Variants in NCAM2 observed in about 807,000 individuals in gnomAD.
NCAM2 encodes neural cell adhesion molecule 2, also known as N-CAM-2.
A neutral mutation model predicts 98.1 loss-of-function variants in NCAM2; 30 were observed. The observed-to-expected ratio is 0.31, with a 90% CI of 0.23 to 0.41. NCAM2 has a LOEUF of 0.41. NCAM2 is among the 10% of genes least tolerant of loss of function. The pLI is 1.00. For synonymous variants in NCAM2, 368 were observed against 342.4 expected (o/e 1.07, Z -0.83); for missense variants, 867 against 1,005.8 (o/e 0.86, Z 1.87).
At chr21:21,256,482 G>A (rs1232727216) in intron 1 of NCAM2, among the ~76,000 whole-genome samples, 2 of 152,200 alleles carry the variant, frequency 1.3e-5, no homozygotes, top group Non-Finnish European at 2.9e-5. Context: ...GATGGTATAA[G>A]TTTGATGATG....
chr21:21,273,133 A>G (rs2072591625), intron 1 of NCAM2, among the ~76,000 whole-genome samples: 1 of 152,194 alleles, frequency 6.6e-6, no homozygotes, highest in African/African-American at 2.4e-5. Context: ...GTTTCACCGT[A>G]TATTGGCTGA....
chr21:21,314,793 T>C lies in NCAM2; in HGVS notation c.620-9590T>C, dbSNP rs1362833945. ...GTTGTTGTTGTTAACATAAGTAGAA[T>C]GCTAATATTTATTTGGGGTTTTAAA... On this transcript the variant is annotated intron_variant, in intron 5 of 17. Coordinates refer to ENST00000400546, the MANE Select transcript of NCAM2 (RefSeq NM_004540.5). 5.3e-5 allele frequency among the ~76,000 whole-genome samples: 8 copies of C among 152,130 alleles called. No homozygotes were observed. The East Asian group carries it at 1.5e-3, about 29-fold the overall frequency.
intron 4 of NCAM2, 162 bp downstream of exon 4, chr21:21,286,574 A>G (rs1822660): frequency 0.78 from 243,522 of 311,560 alleles, 95,202 homozygotes; most frequent in South Asian, 0.85. Context: ...TTTGCAATCT[A>G]GGGATCTCAG....
intron 9 of NCAM2, among the ~76,000 whole-genome samples, chr21:21,409,006 A>G (rs2076801857): frequency 8.3e-6 from 1 of 120,718 alleles, no homozygotes; most frequent in African/African-American, 2.7e-5. Flanking sequence ...AATATTTAAA[A>G]GTTAAATGAC....
At chr21:21,298,525 A>C (rs1415221653) in intron 5 of NCAM2, among the ~76,000 whole-genome samples, 2 of 151,566 alleles carry the variant, frequency 1.3e-5, no homozygotes, top group Non-Finnish European at 1.5e-5. Flanking sequence ...TTTTCTCCTT[A>C]TCTCTTATAT....
chr21:21,370,593 A>G lies in NCAM2; in HGVS notation c.1045-3270A>G, dbSNP rs967423170. On this transcript the variant is annotated intron_variant, in intron 8 of 17. Coordinates refer to ENST00000400546, the MANE Select transcript of NCAM2 (RefSeq NM_004540.5). ...AGCCCCAGAACCCAGCAAAGTGTCT[A>G]TTACATAGCTGCGGTACATACATAG... Among the ~76,000 whole-genome samples, 14 of 150,524 alleles carry G rather than the reference A, an allele frequency of 9.3e-5. 1 individual carries two copies. Among genetic ancestry groups the G allele is most frequent in the Middle Eastern group, 3.4e-3 (1 of 294 alleles).
intron 1 of NCAM2, among the ~76,000 whole-genome samples, chr21:21,175,189 T>C (rs2068242863): frequency 6.6e-6 from 1 of 152,016 alleles, no homozygotes; most frequent in Non-Finnish European, 1.5e-5. Context: ...AGATGTAAAT[T>C]CAGTAATCCG....
At chr21:21,364,728 A>T (rs2075743024) in intron 8 of NCAM2, among the ~76,000 whole-genome samples, 2 of 152,060 alleles carry the variant, frequency 1.3e-5, no homozygotes, top group African/African-American at 4.8e-5. Flanking sequence ...AGTCCAATAA[A>T]ATTAATACTT....
At chr21:21,280,767 A>T (rs559480542) in intron 2 of NCAM2, 115 bp downstream of exon 2, 7 of 669,998 alleles carry the variant, frequency 1.0e-5, no homozygotes, top group South Asian at 2.3e-5. Context: ...AACATCTTAC[A>T]GTTGGTTTTT....
intron 1 of NCAM2, among the ~76,000 whole-genome samples, chr21:21,188,450 TA>T (rs1228632426): frequency 6.6e-6 from 1 of 152,172 alleles, no homozygotes; most frequent in Admixed American, 6.5e-5. Flanking sequence ...ATATTTATTA[TA>T]AAAGACTAAA....
intron 11 of NCAM2, 67 bp from the exon 12 acceptor site, chr21:21,432,041 C>G (rs2077356127): frequency 6.8e-7 from 1 of 1,468,468 alleles, no homozygotes; most frequent in African/African-American, 1.4e-5. Flanking sequence ...CTCATAACAC[C>G]ATAAGCCTTA....
At chr21:21,147,656 T>A (rs758329164) in intron 1 of NCAM2, among the ~76,000 whole-genome samples, 5 of 149,302 alleles carry the variant, frequency 3.3e-5, no homozygotes, top group African/African-American at 7.4e-5. Flanking sequence ...ATTTAATAAA[T>A]TTATATATAT....
At chr21:21,426,246 A>G (rs912613220) in intron 11 of NCAM2, among the ~76,000 whole-genome samples, 1 of 152,190 alleles carries the variant, frequency 6.6e-6, no homozygotes, top group Non-Finnish European at 1.5e-5. Context: ...ATAAAACCTT[A>G]TAGAAGTAAG....
At chr21:21,394,048 T>G (rs2076442255) in intron 9 of NCAM2, among the ~76,000 whole-genome samples, 1 of 152,202 alleles carries the variant, frequency 6.6e-6, no homozygotes, top group South Asian at 2.1e-4. Flanking sequence ...CATATAGGTA[T>G]TCCTTAATAA....
intron 1 of NCAM2, among the ~76,000 whole-genome samples, chr21:21,237,647 G>T (rs547854051): frequency 3.3e-5 from 5 of 151,810 alleles, no homozygotes; most frequent in Non-Finnish European, 7.4e-5. Flanking sequence ...ACAGTTGAAG[G>T]TTTACTGTTT....
chr21:21,455,856 A>C (rs1469371714), intron 12 of NCAM2, among the ~76,000 whole-genome samples: 2 of 152,054 alleles, frequency 1.3e-5, no homozygotes, highest in Non-Finnish European at 2.9e-5. Context: ...AATTTCATTG[A>C]AAAATAACAA....
In NCAM2 at chr21:21,446,918, A is replaced by G. The variant is rs564233102; in HGVS notation, c.1654+14637A>G. Among the ~76,000 whole-genome samples the G allele has an allele frequency of 1.8e-4, 28 of 152,278 alleles. 1 individual carries two copies. The South Asian group carries it at 5.8e-3, about 32-fold the overall frequency. Reference sequence around the variant, plus strand: ...AATAAGAGAGGACACAAAGAAATGGAAAAACATTCCATTCTCATGGATAGG... The same window carrying G: ...AATAAGAGAGGACACAAAGAAATGGGAAAACATTCCATTCTCATGGATAGG... On this transcript the variant is annotated intron_variant, in intron 12 of 17. Coordinates refer to ENST00000400546, the MANE Select transcript of NCAM2 (RefSeq NM_004540.5).
intron 8 of NCAM2, among the ~76,000 whole-genome samples, chr21:21,357,885 T>C (rs1411394104): frequency 6.6e-6 from 1 of 152,160 alleles, no homozygotes; most frequent in Non-Finnish European, 1.5e-5. Context: ...TAAAATACTT[T>C]AGCAAATAAT....
chr21:21,494,631 G>A (rs1018457369), intron 15 of NCAM2, among the ~76,000 whole-genome samples: 1 of 151,178 alleles, frequency 6.6e-6, no homozygotes, highest in Non-Finnish European at 1.5e-5. Context: ...AACATCAAAA[G>A]AAGAGGTTCA....
Sources: allele counts gnomAD v4.1 joint callset (sites outside exome capture counted in the v4.1 genomes callset), GRCh38; gene constraint gnomAD v4.1.1; transcripts MANE v1.5; gene names NCBI Gene and HGNC (gene_info 2026-07-23, HGNC 2026-07-21).